Variants in FRK observed in about 807,000 individuals in gnomAD.
FRK encodes tyrosine-protein kinase FRK.
A neutral mutation model predicts 56.4 loss-of-function variants in FRK; 51 were observed. That is an observed-to-expected ratio of 0.90 (90% CI 0.72 to 1.14). The LOEUF (loss-of-function observed/expected upper bound fraction) is 1.14, where lower values mean the gene tolerates loss of function less well. Among genes scored for constraint, FRK ranks in the 50% most tolerant of loss-of-function variants. The pLI, the probability that FRK is intolerant of heterozygous loss-of-function variation, is 0.00. For synonymous variants in FRK, 245 were observed against 217.9 expected, an observed-to-expected ratio of 1.12 and a Z score of -1.10; for missense variants, 570 against 601.4, an observed-to-expected ratio of 0.95 and a Z score of 0.55.
Position 116,014,360 on chromosome 6 carries a change from A to C in FRK, c.345-10362T>G, listed in dbSNP as rs368705018. Among the ~76,000 whole-genome samples the C allele has an allele frequency of 5.9e-5, 9 of 152,316 alleles. No individual in the cohort carries two copies. In the East Asian group the frequency reaches 1.3e-3, roughly 23 times the overall value. ...TGAAACAGGAATTTAAAAATCATTTAATCATCAACAGTGTGTAGTAGGAAA... is the reference window on the plus strand; with the variant it reads ...TGAAACAGGAATTTAAAAATCATTTCATCATCAACAGTGTGTAGTAGGAAA... On this transcript the variant is annotated intron_variant, in intron 1 of 7. Coordinates refer to ENST00000606080, the MANE Select transcript of FRK (RefSeq NM_002031.3).
chr6:116,019,718 A>G (rs1265315954), intron 1 of FRK, among the ~76,000 whole-genome samples: 1 of 152,212 alleles, frequency 6.6e-6, no homozygotes, highest in Non-Finnish European at 1.5e-5. Flanking sequence ...AGATGTGCAA[A>G]GCAGTTACAT....
rs761607284 is a variant in FRK at position 115,944,426 on chromosome 6, CTAAG to C, written c.959-5_959-2del. 16 of 1,591,582 alleles carry C rather than the reference CTAAG, an allele frequency of 1.0e-5. 1 individual carries two copies. The South Asian group carries it at 1.6e-4, about 16-fold the overall frequency. ...AGATGGATTTTTGATCCAGTGTCATCTAAGTAATAAGAGAAAAGTAAGAAAGTTA... is the reference window on the plus strand; with the variant it reads ...AGATGGATTTTTGATCCAGTGTCATCTAATAAGAGAAAAGTAAGAAAGTTA... On this transcript the variant is annotated splice_acceptor_variant and splice_polypyrimidine_tract_variant and intron_variant, in intron 5 of 7. Coordinates refer to ENST00000606080, the MANE Select transcript of FRK (RefSeq NM_002031.3). LOFTEE classifies it high-confidence loss of function.
the FRK span, among the ~76,000 whole-genome samples, chr6:116,097,915 C>T: frequency 6.6e-6 from 1 of 152,146 alleles, no homozygotes; most frequent in Non-Finnish European, 1.5e-5. Context: ...TAACACAACA[C>T]TGATTTGAGT....
intron 2 of FRK, among the ~76,000 whole-genome samples, chr6:115,969,801 G>A (rs1770273716): frequency 6.6e-6 from 1 of 152,174 alleles, no homozygotes; most frequent in African/African-American, 2.4e-5. Context: ...GATTTGGAAA[G>A]TGAAGCTTAA....
Position 115,933,579 on chromosome 6 carries a change from CTTCTT to C in FRK, c.*8830_*8834del, listed in dbSNP as rs1771994509. 1 of 152,126 alleles carries C rather than the reference CTTCTT, an allele frequency of 6.6e-6. No homozygotes were observed. 9.4% of individuals were successfully genotyped at this position (152,126 alleles called of 1,614,324 possible). A position where few individuals can be genotyped will look rare whatever the true frequency, so the allele number is the denominator to read the frequency against. On this transcript the variant is annotated 3_prime_UTR_variant, in exon 8 of 8. Transcript: ENST00000606080. Reference sequence around the variant, plus strand: ...TGGTATTAAAACAGGAAAGGATAAACTTCTTTTCATATTTCAAAATCAGATCTTAC... The same window carrying C: ...TGGTATTAAAACAGGAAAGGATAAACTTCATATTTCAAAATCAGATCTTAC...
upstream of FRK, among the ~76,000 whole-genome samples, chr6:116,062,462 G>GAAA (rs550646718): frequency 4.2e-5 from 5 of 119,240 alleles, no homozygotes; most frequent in East Asian, 5.1e-4. Context: ...ATCTAAAAAT[G>GAAA]AAAAAAAAAA....
chr6:116,069,097 T>TA, the FRK span, among the ~76,000 whole-genome samples: 1 of 152,206 alleles, frequency 6.6e-6, no homozygotes. Context: ...ATTAAGCAGA[T>TA]AATTCATCAA....
At chr6:116,029,612 AAAGT>A (rs1776225685) in intron 1 of FRK, among the ~76,000 whole-genome samples, 1 of 152,170 alleles carries the variant, frequency 6.6e-6, no homozygotes, top group South Asian at 2.1e-4. Flanking sequence ...TCTATTGCAT[AAAGT>A]AAGGGCCAGG....
In FRK at chr6:115,933,274, C is replaced by T. The variant is rs1771988056; in HGVS notation, c.*9140G>A. On this transcript the variant is annotated 3_prime_UTR_variant, in exon 8 of 8. Transcript: ENST00000606080. Reference sequence around the variant, plus strand: ...AAATAACTGAATTACATAAATAAAACATTATATGAAAAGTGCTTTGCTACA... The same window carrying T: ...AAATAACTGAATTACATAAATAAAATATTATATGAAAAGTGCTTTGCTACA... The T allele has an allele frequency of 6.6e-6, 1 of 152,120 alleles. No homozygotes were observed. Among genetic ancestry groups the T allele is most frequent in the East Asian group, 1.9e-4 (1 of 5,196 alleles). 9.4% of individuals were successfully genotyped at this position (152,120 alleles called of 1,614,324 possible).
chr6:116,023,649 C>G (rs1775964525), intron 1 of FRK, among the ~76,000 whole-genome samples: 2 of 152,198 alleles, frequency 1.3e-5, no homozygotes, highest in Middle Eastern at 6.8e-3. Flanking sequence ...TATGGAATTT[C>G]CTGAGGTAAT....
intron 5 of FRK, among the ~76,000 whole-genome samples, chr6:115,948,649 C>T (rs888763953): frequency 6.6e-6 from 1 of 152,192 alleles, no homozygotes; most frequent in African/African-American, 2.4e-5. Context: ...ATTGTTAAAT[C>T]TATATCTCTT....
At chr6:115,955,121 A>G (rs1376740745) in intron 5 of FRK, among the ~76,000 whole-genome samples, 2 of 152,154 alleles carry the variant, frequency 1.3e-5, no homozygotes, top group African/African-American at 4.8e-5. Flanking sequence ...GATGAAATTA[A>G]TAAGGGAACT....
intron 4 of FRK, among the ~76,000 whole-genome samples, chr6:115,959,536 C>T (rs1239444158): frequency 1.3e-5 from 2 of 152,142 alleles, no homozygotes; most frequent in African/African-American, 4.8e-5. Context: ...AATGTCCTCA[C>T]CTGGAGCACT....
the FRK span, among the ~76,000 whole-genome samples, chr6:116,085,559 T>C: frequency 2.0e-5 from 3 of 152,242 alleles, no homozygotes; most frequent in African/African-American, 7.2e-5. Context: ...ATTTACCTAT[T>C]TCCATGCTGT....
intron 1 of FRK, among the ~76,000 whole-genome samples, chr6:116,005,228 G>T (rs2114698811): frequency 6.6e-6 from 1 of 152,200 alleles, no homozygotes; most frequent in Middle Eastern, 3.4e-3. Context: ...TATCTGTCAG[G>T]ATATGCCAGG....
At chr6:115,956,420 C>CT (rs566105648) in intron 5 of FRK, 32 bp downstream of exon 5, 1 of 1,459,012 alleles carries the variant, frequency 6.9e-7, no homozygotes, top group Non-Finnish European at 9.1e-7. Context: ...TTAAATTCCT[C>CT]TTTTTTTCCT....
chr6:116,073,739 T>C, the FRK span, among the ~76,000 whole-genome samples: 1 of 152,198 alleles, frequency 6.6e-6, no homozygotes, highest in Non-Finnish European at 1.5e-5. Flanking sequence ...ACACTCCATT[T>C]TTCCATTAAA....
At position 116,060,551 on chromosome 6, in the gene FRK, G is replaced by A. The variant is rs1252321165; in HGVS notation, c.-240C>T. 1.3e-5 allele frequency: 6 copies of A among 479,600 alleles called. No individual in the cohort carries two copies. The highest frequency in any genetic ancestry group is 2.2e-5 in the Non-Finnish European group (6 of 269,604). The allele number at this position is 479,600 out of a possible 1,614,324, so 29.7% of individuals were successfully genotyped here. A position where few individuals can be genotyped will look rare whatever the true frequency, so the allele number is the denominator to read the frequency against. On this transcript the variant is annotated 5_prime_UTR_variant, in exon 1 of 8. Coordinates refer to ENST00000606080, the MANE Select transcript of FRK (RefSeq NM_002031.3). ...TGCTACCCCGAGGCAAAACTGAGCAGGAGCTGGGCAGCTGCTCACTAGGAA... is the reference window on the plus strand; with the variant it reads ...TGCTACCCCGAGGCAAAACTGAGCAAGAGCTGGGCAGCTGCTCACTAGGAA...
At chr6:116,047,915 G>A (rs577309648) in intron 1 of FRK, among the ~76,000 whole-genome samples, 1 of 152,384 alleles carries the variant, frequency 6.6e-6, no homozygotes, top group South Asian at 2.1e-4. Flanking sequence ...CCAAGAATGA[G>A]TGTGGGAGGA....
Sources: gnomAD v4.1 joint callset for allele counts (sites outside exome capture counted in the v4.1 genomes callset) on GRCh38, gnomAD v4.1.1 for gene constraint, MANE v1.5 for transcripts, NCBI Gene and HGNC (gene_info 2026-07-23, HGNC 2026-07-21) for gene names.